Variants in ANKFN1 observed in about 807,000 individuals in gnomAD.
ANKFN1 encodes ankyrin repeat and fibronectin type-III domain-containing protein 1.
A neutral mutation model predicts 108.7 loss-of-function variants in ANKFN1; 74 were observed. That is an observed-to-expected ratio of 0.68 (90% CI 0.56 to 0.83). The LOEUF (loss-of-function observed/expected upper bound fraction) is 0.83, where lower values mean the gene tolerates loss of function less well. Ranked by LOEUF, ANKFN1 falls within the 40% of genes least tolerant of loss-of-function variation. The pLI is 0.00. For missense variants in ANKFN1, 1,505 were observed against 1,382.3 expected (o/e 1.09, Z -1.41); for synonymous variants, 547 against 516.2 (o/e 1.06, Z -0.81).
intron 3 of ANKFN1, among the ~76,000 whole-genome samples, chr17:56,234,748 G>A (rs940997831): frequency 1.3e-5 from 2 of 151,980 alleles, no homozygotes; most frequent in African/African-American, 4.8e-5. Context: ...TATCCAATCT[G>A]TCATTCATGG....
At chr17:56,482,846 A>G (rs2050754510) in intron 18 of ANKFN1, among the ~76,000 whole-genome samples, 3 of 151,992 alleles carry the variant, frequency 2.0e-5, no homozygotes, top group Admixed American at 6.6e-5. Flanking sequence ...TTTTCATGAA[A>G]AGCACTGCCC....
intron 3 of ANKFN1, among the ~76,000 whole-genome samples, chr17:56,273,469 TA>T (rs2043842587): frequency 6.6e-6 from 1 of 152,180 alleles, no homozygotes; most frequent in African/African-American, 2.4e-5. Flanking sequence ...ATTTCTAAGT[TA>T]AAAACAATGG....
intron 4 of ANKFN1, among the ~76,000 whole-genome samples, chr17:56,330,366 T>C (rs1049001135): frequency 6.6e-6 from 1 of 152,104 alleles, no homozygotes; most frequent in Non-Finnish European, 1.5e-5. Flanking sequence ...ACCATGAGAA[T>C]GGTATGGGGG....
intron 1 of ANKFN1, among the ~76,000 whole-genome samples, chr17:56,199,311 A>T (rs988492904): frequency 1.3e-5 from 2 of 149,980 alleles, no homozygotes; most frequent in African/African-American, 4.9e-5. Context: ...TGTTTATTTC[A>T]TACTTTATGA....
intron 1 of ANKFN1, among the ~76,000 whole-genome samples, chr17:56,200,800 G>T (rs1913988717): frequency 6.6e-6 from 1 of 152,166 alleles, no homozygotes; most frequent in Non-Finnish European, 1.5e-5. Flanking sequence ...ATCTACTCTT[G>T]ATTCCTCTTT....
At chr17:56,308,938 A>C (rs895572572) in intron 3 of ANKFN1, among the ~76,000 whole-genome samples, 9 of 152,138 alleles carry the variant, frequency 5.9e-5, no homozygotes, top group African/African-American at 1.7e-4. Flanking sequence ...CTGGTATATA[A>C]TTATTTTTAT....
chr17:56,510,546 C>G lies in ANKFN1; in HGVS notation c.2718C>G (p.Ser906Arg). Residue 906 changes from serine to arginine, a missense_variant, in exon 21 of 21, where the codon AGC becomes AGG. Coordinates refer to ENST00000682825, the MANE Select transcript of ANKFN1 (RefSeq NM_001370326.1). ...CCACCAACAGTGACTACGACTCCAG[C>G]GATGCCCTGAGCCCCAGAGACCTGG... ...FLPTNSDYDS[S>R]DALSPRDLDL... is the part of the protein sequence containing the mutation. 1 of 1,536,178 alleles carries G rather than the reference C, an allele frequency of 6.5e-7. No homozygotes were observed. The highest frequency in any genetic ancestry group is 8.7e-7 in the Non-Finnish European group (1 of 1,146,900).
intron 4 of ANKFN1, among the ~76,000 whole-genome samples, chr17:56,130,209 G>C (rs147850095): frequency 9.4e-4 from 143 of 152,288 alleles, no homozygotes; most frequent in African/African-American, 2.9e-3. Context: ...AATGAAGCTC[G>C]TGTCTTGCTC....
chr17:56,151,030 G>A (rs952015287), upstream of ANKFN1, among the ~76,000 whole-genome samples: 52 of 152,328 alleles, frequency 3.4e-4, 1 homozygote, highest in Admixed American at 3.1e-3. Flanking sequence ...GGAGGGACAA[G>A]GACCTGACAT....
chr17:56,063,417 T>A (rs1276382012), intron 4 of ANKFN1, among the ~76,000 whole-genome samples: 1 of 152,062 alleles, frequency 6.6e-6, no homozygotes, highest in Admixed American at 6.6e-5. Context: ...TTATGAAATC[T>A]CTTATTTCTT....
chr17:56,241,920 T>C (rs1420214854), intron 3 of ANKFN1, among the ~76,000 whole-genome samples: 1 of 152,082 alleles, frequency 6.6e-6, no homozygotes, highest in Non-Finnish European at 1.5e-5. Context: ...TCAGTGTGGA[T>C]ATGCTGGACA....
intron 3 of ANKFN1, among the ~76,000 whole-genome samples, chr17:56,279,399 GTAATATTA>G (rs1180477754): frequency 6.6e-6 from 1 of 152,106 alleles, no homozygotes; most frequent in Non-Finnish European, 1.5e-5. Flanking sequence ...ATTGAAATTA[GTAATATTA>G]TCAGATATTC....
chr17:56,465,048 C>T (rs1385646925), intron 14 of ANKFN1, among the ~76,000 whole-genome samples: 3 of 152,278 alleles, frequency 2.0e-5, no homozygotes, highest in Middle Eastern at 6.8e-3. Flanking sequence ...AGAGTATTTA[C>T]ACCACAGAAA....
chr17:56,137,198 G>A (rs1219684054), intron 4 of ANKFN1, among the ~76,000 whole-genome samples: 2 of 152,166 alleles, frequency 1.3e-5, no homozygotes, highest in African/African-American at 2.4e-5. Flanking sequence ...AAATCATAGG[G>A]GATTGAAAGG....
chr17:56,336,878 C>A (rs2045826456), intron 4 of ANKFN1, among the ~76,000 whole-genome samples: 1 of 152,200 alleles, frequency 6.6e-6, no homozygotes, highest in Non-Finnish European at 1.5e-5. Context: ...TTTCCCTCTA[C>A]ACACTGCTTT....
At chr17:56,124,153 G>A (rs1487612043) in intron 4 of ANKFN1, among the ~76,000 whole-genome samples, 11 of 152,170 alleles carry the variant, frequency 7.2e-5, no homozygotes, top group Non-Finnish European at 1.6e-4. Flanking sequence ...GTCTGGGACG[G>A]GGGCTGAGAC....
At chr17:56,333,966 C>T (rs2045736441) in intron 4 of ANKFN1, among the ~76,000 whole-genome samples, 1 of 151,976 alleles carries the variant, frequency 6.6e-6, no homozygotes, top group South Asian at 2.1e-4. Flanking sequence ...CTCGGGTCCC[C>T]TACATCTTTA....
In ANKFN1 at chr17:56,513,400, G is replaced by C. The variant is rs1222544419; in HGVS notation, c.*2131G>C. On this transcript the variant is annotated 3_prime_UTR_variant, in exon 21 of 21. Coordinates refer to ENST00000682825, the MANE Select transcript of ANKFN1 (RefSeq NM_001370326.1). ...TGGGAAAAACATCATTTCAAATTATGCCTCTTAGTTAATAACAAGAATGGC... is the reference window on the plus strand; with the variant it reads ...TGGGAAAAACATCATTTCAAATTATCCCTCTTAGTTAATAACAAGAATGGC... Among the ~76,000 whole-genome samples the C allele has an allele frequency of 2.6e-5, 4 of 152,190 alleles. No individual in the cohort carries two copies. Among genetic ancestry groups the C allele is most frequent in the African/African-American group, 9.7e-5 (4 of 41,450 alleles).
intron 11 of ANKFN1, among the ~76,000 whole-genome samples, chr17:56,452,578 T>C (rs1002915819): frequency 1.3e-5 from 2 of 152,148 alleles, no homozygotes; most frequent in African/African-American, 2.4e-5. Flanking sequence ...GAAGGTCTCA[T>C]ATGGGCAAGA....
Sources: gnomAD v4.1 joint callset for allele counts (sites outside exome capture counted in the v4.1 genomes callset) on GRCh38, gnomAD v4.1.1 for gene constraint, MANE v1.5 for transcripts, NCBI Gene and HGNC (gene_info 2026-07-23, HGNC 2026-07-21) for gene names.